The following CEBPZ variants were observed in gnomAD, a reference collection of about 807,000 sequenced individuals.
The protein encoded by CEBPZ is CCAAT/enhancer-binding protein zeta.
A neutral mutation model predicts 104.5 loss-of-function variants in CEBPZ; 78 were observed. That is an observed-to-expected ratio of 0.75 (90% confidence interval 0.62 to 0.90). The LOEUF (loss-of-function observed/expected upper bound fraction) is 0.90. Among genes scored for constraint, CEBPZ ranks in the 40% least tolerant of loss-of-function variants. The probability of loss-of-function intolerance (pLI) is 0.00; values close to 1 mark genes in which losing one functional copy is unlikely to be tolerated. For missense variants in CEBPZ, 1,439 were observed against 1,233.5 expected (o/e 1.17, Z -2.50); for synonymous variants, 470 against 427.0 (o/e 1.10, Z -1.24).
chr2:37,230,530 TCTAA>T (rs751580441), intron 1 of CEBPZ, among the ~76,000 whole-genome samples: 9 of 152,328 alleles, frequency 5.9e-5, no homozygotes, highest in Middle Eastern at 3.4e-3. Context: ...TCTGCCTATC[TCTAA>T]CTAACTCCTC....
chr2:37,228,292 T>G lies in CEBPZ; in HGVS notation c.901A>C (p.Asn301His). ...ELLITDLLPDNRKLRIFSQRP... is the reference protein window; with the variant it reads ...ELLITDLLPDHRKLRIFSQRP... ...TGGCTGAAAATCCTCAGCTTCCGAT[T>G]GTCTGGCAAAAGGTCTGTGATAAGC... Residue 301 changes from asparagine to histidine, a missense_variant, in exon 2 of 16, where the codon AAT becomes CAT. Transcript: ENST00000234170. 1 of 1,614,198 alleles carries G rather than the reference T, an allele frequency of 6.2e-7. No homozygotes were observed. The highest frequency in any genetic ancestry group is 8.5e-7 in the Non-Finnish European group (1 of 1,180,024).
rs189133878 is a variant in CEBPZ, at chr2:37,226,827, C to G, written c.1649+717G>C. On this transcript the variant is annotated intron_variant, in intron 2 of 15. Transcript: ENST00000234170. ...CGACTGTCTCTTAAACAGCTCCAAACTGTTTACACATTGCTGAAAATATGA... is the reference window on the plus strand; with the variant it reads ...CGACTGTCTCTTAAACAGCTCCAAAGTGTTTACACATTGCTGAAAATATGA... 1.1e-3 allele frequency among the ~76,000 whole-genome samples: 161 copies of G among 152,284 alleles called. 1 individual carries two copies. Among genetic ancestry groups the G allele is most frequent in the Non-Finnish European group, 2.6e-4 (18 of 68,028 alleles).
intron 11 of CEBPZ, 76 bp from the exon 12 acceptor site, chr2:37,212,115 G>A: frequency 7.9e-7 from 1 of 1,273,034 alleles, no homozygotes; most frequent in Non-Finnish European, 1.1e-6. Context: ...TACTAGGGCA[G>A]TAGGCTATTA....
intron 13 of CEBPZ, chr2:37,209,943 C>A (rs1443936974): frequency 6.6e-6 from 1 of 152,004 alleles, no homozygotes; most frequent in Non-Finnish European, 1.5e-5. Flanking sequence ...AAGAAAAAAA[C>A]AATCCCATCA....
intron 2 of CEBPZ, 131 bp downstream of exon 2, chr2:37,227,413 A>G (rs1572509535): frequency 4.3e-6 from 3 of 695,390 alleles, no homozygotes; most frequent in East Asian, 5.4e-5. Context: ...GAAGGTGGCG[A>G]GTAGCAAGCT....
In CEBPZ at chr2:37,212,002, T is replaced by G. The variant is rs571907843; in HGVS notation, c.2641A>C (p.Thr881Pro). The stretch of plus-strand genomic sequence containing the variant: ...CTACCTTCTGAATCTTCATCTAATG[T>G]GTTATCCTTAGCTCCTTTTGTTCTC... Reference protein sequence around the residue: ...KKRTKGAKDNTLDEDSEGSDD... With the variant: ...KKRTKGAKDNPLDEDSEGSDD... Residue 881 changes from threonine to proline, a missense_variant, in exon 12 of 16, where the codon ACA becomes CCA. Physicochemically the swap from Thr to Pro is conservative, Grantham distance 38 (BLOSUM62 -1). Coordinates refer to ENST00000234170, the MANE Select transcript of CEBPZ (RefSeq NM_005760.3). 1.2e-6 allele frequency: 2 copies of G among 1,603,832 alleles called. No individual in the cohort carries two copies. Among genetic ancestry groups the G allele is most frequent in the South Asian group, 2.3e-5 (2 of 88,758 alleles).
chr2:37,209,954 A>T (rs988510970), intron 13 of CEBPZ: 1 of 152,206 alleles, frequency 6.6e-6, no homozygotes, highest in African/African-American at 2.4e-5. Context: ...AATCCCATCA[A>T]AAAGTGTGTT....
chr2:37,210,899 A>G (rs1677700684), intron 13 of CEBPZ, 100 bp downstream of exon 13: 6 of 452,072 alleles, frequency 1.3e-5, no homozygotes, highest in Non-Finnish European at 1.1e-5. Flanking sequence ...CCCACCCCTG[A>G]ATTTTATTAA....
chr2:37,222,225 A>G (rs1183767464), intron 4 of CEBPZ, among the ~76,000 whole-genome samples, 155 bp downstream of exon 4: 1 of 152,246 alleles, frequency 6.6e-6, no homozygotes, highest in Non-Finnish European at 1.5e-5. Flanking sequence ...CGGAGGTTGC[A>G]GTGAGCCGAG....
At position 37,231,367 on chromosome 2, in the gene CEBPZ, A is replaced by C. The variant is rs200094783; in HGVS notation, c.156+45T>G. ...GGGCAGTCAGCCTAGCCACCTTCGG[A>C]ACTCTCCACGCCTGATCCCGTTCCC... On this transcript the variant is annotated intron_variant, in intron 1 of 15. Coordinates refer to ENST00000234170, the MANE Select transcript of CEBPZ (RefSeq NM_005760.3). The C allele has an allele frequency of 1.1e-3, 1,755 of 1,611,704 alleles. 5 individuals are homozygous for C. The highest frequency in any genetic ancestry group is 1.5e-3 in the Middle Eastern group (9 of 6,060).
intron 5 of CEBPZ, among the ~76,000 whole-genome samples, chr2:37,219,734 A>G (rs1664722250): frequency 6.6e-6 from 1 of 152,372 alleles, no homozygotes; most frequent in East Asian, 1.9e-4. Context: ...ACAAATTCAG[A>G]AAAGTAACTT....
At chr2:37,220,364 G>C in intron 5 of CEBPZ, 21 bp downstream of exon 5, 4 of 1,204,296 alleles carry the variant, frequency 3.3e-6, no homozygotes, top group Non-Finnish European at 4.7e-6. Context: ...ATGAATAAAA[G>C]ACAATTTGAA....
At chr2:37,203,264 C>A (rs547358734) in intron 13 of CEBPZ, 21 of 265,458 alleles carry the variant, frequency 7.9e-5, no homozygotes, top group African/African-American at 4.2e-4. Flanking sequence ...GGCCACTGAT[C>A]GAAGTTTTAC....
At chr2:37,223,436 T>A (rs766825618) in intron 2 of CEBPZ, 35 bp from the exon 3 acceptor site, 2 of 1,557,692 alleles carry the variant, frequency 1.3e-6, no homozygotes, top group South Asian at 2.2e-5. Flanking sequence ...TATTTATGTA[T>A]AAAACCATCT....
chr2:37,227,329 A>G (rs1664911462), intron 2 of CEBPZ, among the ~76,000 whole-genome samples: 1 of 152,244 alleles, frequency 6.6e-6, no homozygotes, highest in Admixed American at 6.5e-5. Flanking sequence ...ACAACCTCTC[A>G]AAATGAAAAA....
In CEBPZ at chr2:37,231,514, G is replaced by C. The variant is rs1665103334; in HGVS notation, c.54C>G (p.Pro18=). The C allele has an allele frequency of 6.2e-7, 1 of 1,614,204 alleles. No individual in the cohort carries two copies. Among genetic ancestry groups the C allele is most frequent in the Non-Finnish European group, 8.5e-7 (1 of 1,180,042 alleles). ...LEFHAKRPWR[P]EEAVEDPDEE... ...CGTCCGGATCTTCTACTGCCTCCTC[G>C]GGGCGCCAAGGCCGCTTGGCATGGA... The change falls in exon 1 of 16, where the codon CCC becomes CCG. Residue 18 remains proline, a synonymous_variant. Transcript: ENST00000234170.
chr2:37,224,714 G>C (rs1490142342), intron 2 of CEBPZ, among the ~76,000 whole-genome samples: 1 of 152,052 alleles, frequency 6.6e-6, no homozygotes, highest in East Asian at 1.9e-4. Context: ...CTAATGTTTT[G>C]ATAAATATTT....
At chr2:37,212,102 G>T in intron 11 of CEBPZ, 63 bp from the exon 12 acceptor site, 3 of 1,376,000 alleles carry the variant, frequency 2.2e-6, no homozygotes, top group East Asian at 2.3e-5. Flanking sequence ...GTGTTTTGCT[G>T]ACTACTAGGG....
intron 3 of CEBPZ, 73 bp from the exon 4 acceptor site, chr2:37,222,636 T>C (rs1664799930): frequency 9.2e-7 from 1 of 1,087,854 alleles, no homozygotes; most frequent in African/African-American, 1.6e-5. Context: ...CTCCATTATG[T>C]GATGCAGAGT....
Sources: allele counts gnomAD v4.1 joint callset (sites outside exome capture counted in the v4.1 genomes callset), GRCh38; gene constraint gnomAD v4.1.1; transcripts MANE v1.5; gene names NCBI Gene and HGNC (gene_info 2026-07-23, HGNC 2026-07-21).